The following NACC2 variants were observed in gnomAD, a reference collection of about 807,000 sequenced individuals.
NACC2 encodes the protein nucleus accumbens-associated protein 2.
A neutral mutation model predicts 25.1 loss-of-function variants in NACC2; 8 were observed. The observed-to-expected ratio is 0.32, with a 90% CI of 0.19 to 0.57. The LOEUF (loss-of-function observed/expected upper bound fraction) is 0.57, where lower values mean the gene tolerates loss of function less well. Among genes scored for constraint, NACC2 ranks in the 20% least tolerant of loss-of-function variants. The probability of loss-of-function intolerance (pLI) is 0.89; values close to 1 mark genes in which losing one functional copy is unlikely to be tolerated. For missense variants in NACC2, 644 were observed against 650.2 expected (o/e 0.99, Z 0.10); for synonymous variants, 435 against 294.7 (o/e 1.48, Z -4.88).
In NACC2 at chr9:136,019,985, T is replaced by G. The variant is rs952947617; in HGVS notation, c.887-3556A>C. 3.7e-5 allele frequency among the ~76,000 whole-genome samples: 5 copies of G among 133,378 alleles called. No homozygotes were observed. Among genetic ancestry groups the G allele is most frequent in the Admixed American group, 7.4e-5 (1 of 13,532 alleles). The allele number at this position is 133,378 out of a possible 152,430, so 87.5% of individuals were successfully genotyped here. On this transcript the variant is annotated intron_variant, in intron 2 of 5. Coordinates refer to ENST00000277554, the MANE Select transcript of NACC2 (RefSeq NM_144653.5). The surrounding 1 kb of genome is among the most constrained non-coding windows in gnomAD (Gnocchi z 5.2). ...ACAGAGGCGGGAAACAGAGGGTGGGTGCCGGGGCTGGGTGGGGGAACGGGG... is the reference window on the plus strand; with the variant it reads ...ACAGAGGCGGGAAACAGAGGGTGGGGGCCGGGGCTGGGTGGGGGAACGGGG...
At position 136,074,810 on chromosome 9, in the gene NACC2, C is replaced by T. The variant is rs1040337722; in HGVS notation, c.-60+20379G>A. ...CTGTTCCCAGCTCACCTGCGGGGCT[C>T]GGGGATGTATCACTCAGCCTCGGCG... On this transcript the variant is annotated intron_variant, in intron 1 of 5. Coordinates refer to ENST00000277554, the MANE Select transcript of NACC2 (RefSeq NM_144653.5). Among the ~76,000 whole-genome samples, 14 of 152,184 alleles carry T rather than the reference C, an allele frequency of 9.2e-5. No homozygotes were observed. The East Asian group carries it at 1.2e-3, about 13-fold the overall frequency.
rs1263748165 is a variant in NACC2, at chr9:136,007,412, C to CA, written c.*4103dup. 1.4e-5 allele frequency: 2 copies of CA among 147,438 alleles called. No individual in the cohort carries two copies. The highest frequency in any genetic ancestry group is 6.8e-5 in the Admixed American group (1 of 14,692). 9.1% of individuals were successfully genotyped at this position (147,438 alleles called of 1,614,324 possible). ...GCGTGCAGAGACACGCACGTGCACA[C>CA]AGACGCGCGTGCACACATACACACA... is the stretch of plus-strand genomic sequence containing the variant. On this transcript the variant is annotated 3_prime_UTR_variant, in exon 6 of 6. Coordinates refer to ENST00000277554, the MANE Select transcript of NACC2 (RefSeq NM_144653.5).
chr9:136,032,367 T>C (rs567349003), intron 2 of NACC2, among the ~76,000 whole-genome samples: 2 of 151,962 alleles, frequency 1.3e-5, no homozygotes, highest in Admixed American at 6.6e-5. Context: ...TTTGTTACAA[T>C]GCAACACTTA....
Position 136,049,798 on chromosome 9 carries a change from G to A in NACC2, c.724C>T (p.Pro242Ser), listed in dbSNP as rs1023608023. 1.3e-6 allele frequency: 1 copy of A among 761,236 alleles called. No homozygotes were observed. Among genetic ancestry groups the A allele is most frequent in the African/African-American group, 1.7e-5 (1 of 58,602 alleles). 47.2% of individuals were successfully genotyped at this position (761,236 alleles called of 1,614,324 possible). ...LIPGIQQMPY[P>S]QGERTSPGAS... ...CCTGGACTGGTCCGCTCCCCCTGGG[G>A]GTAGGGCATCTGCTGGATGCCGGGG... The change falls in exon 2 of 6, where the codon CCC becomes TCC. Residue 242 changes from proline to serine, a missense_variant. Transcript: ENST00000277554.
chr9:136,037,495 T>C (rs903168097), intron 2 of NACC2, among the ~76,000 whole-genome samples: 11 of 149,226 alleles, frequency 7.4e-5, no homozygotes, highest in African/African-American at 2.7e-4. Context: ...TGTGATTTTG[T>C]ATGCACTTAA....
At chr9:136,077,837 C>T (rs1038152242) in intron 1 of NACC2, among the ~76,000 whole-genome samples, 1 of 152,256 alleles carries the variant, frequency 6.6e-6, no homozygotes, top group Non-Finnish European at 1.5e-5. Context: ...AATAAGGAAT[C>T]AGTGATGAAT....
chr9:136,052,744 C>T (rs1465915734), intron 1 of NACC2, among the ~76,000 whole-genome samples: 1 of 152,238 alleles, frequency 6.6e-6, no homozygotes, highest in Non-Finnish European at 1.5e-5. Context: ...GAGGGCAAAG[C>T]GGCCGCCTCG....
At chr9:136,016,192 A>G in intron 3 of NACC2, 73 bp downstream of exon 3, 4 of 1,537,672 alleles carry the variant, frequency 2.6e-6, no homozygotes, top group Non-Finnish European at 1.8e-6. Context: ...CATTGTTCAG[A>G]GCTCTCCAAT....
chr9:136,013,411 T>A lies in NACC2; in HGVS notation c.1158-115A>T. 1 of 867,224 alleles carries A rather than the reference T, an allele frequency of 1.2e-6. No homozygotes were observed. Among genetic ancestry groups the A allele is most frequent in the Non-Finnish European group, 1.8e-6 (1 of 553,186 alleles). 53.7% of individuals were successfully genotyped at this position (867,224 alleles called of 1,614,324 possible). A position where few individuals can be genotyped will look rare whatever the true frequency, so the allele number is the denominator to read the frequency against. On this transcript the variant is annotated intron_variant, in intron 4 of 5. Coordinates refer to ENST00000277554, the MANE Select transcript of NACC2 (RefSeq NM_144653.5). This position sits in a 1 kb window ranked among gnomAD's most constrained non-coding sequence, Gnocchi z 6.6. ...GCCACTTGGCCTCACCCTTGGCTGG[T>A]CTGCGTGTGTCCCAGTGGCAGGAGC...
chr9:136,074,978 G>A (rs543526242), intron 1 of NACC2, among the ~76,000 whole-genome samples: 20 of 152,344 alleles, frequency 1.3e-4, no homozygotes, highest in East Asian at 9.6e-4. Context: ...TCACTGTCGC[G>A]TATGGGGCTG....
intron 2 of NACC2, among the ~76,000 whole-genome samples, chr9:136,017,419 A>G (rs1033040573): frequency 4.6e-5 from 7 of 151,954 alleles, no homozygotes; most frequent in African/African-American, 1.5e-4. Flanking sequence ...CCTGCTGGAC[A>G]CCCAGCATGC....
chr9:136,051,583 G>A (rs1208561408), intron 1 of NACC2, among the ~76,000 whole-genome samples: 1 of 149,934 alleles, frequency 6.7e-6, no homozygotes, highest in Non-Finnish European at 1.5e-5. Context: ...TGTGTCCCAC[G>A]GGAGGAAAGT....
chr9:136,091,405 G>A (rs965517045), intron 1 of NACC2, among the ~76,000 whole-genome samples: 1 of 152,208 alleles, frequency 6.6e-6, no homozygotes, highest in Non-Finnish European at 1.5e-5. Flanking sequence ...TGGCTGCCAA[G>A]TGCTCCAGTG....
Position 136,055,227 on chromosome 9 carries a change from C to G in NACC2, c.-59-4647G>C, listed in dbSNP as rs1228859735. ...GGACAGGGGCTCACTGGAACTGCAG[C>G]CAGACGCGCACACAGGGGTTGGGGC... On this transcript the variant is annotated intron_variant, in intron 1 of 5. Transcript: ENST00000277554. The surrounding 1 kb of genome is among the most constrained non-coding windows in gnomAD (Gnocchi z 4.9). 6.6e-6 allele frequency among the ~76,000 whole-genome samples: 1 copy of G among 152,162 alleles called. No individual in the cohort carries two copies. Among genetic ancestry groups the G allele is most frequent in the Non-Finnish European group, 1.5e-5 (1 of 68,030 alleles).
intron 2 of NACC2, among the ~76,000 whole-genome samples, chr9:136,033,894 G>GGGGTGT (rs1554737965): frequency 3.6e-5 from 5 of 137,030 alleles, no homozygotes; most frequent in Non-Finnish European, 6.2e-5. Flanking sequence ...AATTCCAGCA[G>GGGGTGT]GTGTGTGTGT....
At chr9:136,043,478 G>A (rs1047955228) in intron 2 of NACC2, among the ~76,000 whole-genome samples, 5 of 152,276 alleles carry the variant, frequency 3.3e-5, no homozygotes, top group Non-Finnish European at 2.9e-5. Context: ...CCGTAAGGCC[G>A]TGGGGCGCCT....
intron 2 of NACC2, among the ~76,000 whole-genome samples, chr9:136,045,116 C>A (rs1482343480): frequency 2.0e-5 from 3 of 152,210 alleles, no homozygotes; most frequent in Non-Finnish European, 2.9e-5. Context: ...CTGAGCAGTT[C>A]CAACTTTGCC....
chr9:136,075,527 C>T (rs1250169928), intron 1 of NACC2, among the ~76,000 whole-genome samples: 1 of 152,264 alleles, frequency 6.6e-6, no homozygotes, highest in African/African-American at 2.4e-5. Context: ...ACAGATCGCG[C>T]AGCTGGGGCC....
intron 1 of NACC2, among the ~76,000 whole-genome samples, chr9:136,080,859 G>A (rs990836094): frequency 2.6e-5 from 4 of 152,136 alleles, no homozygotes; most frequent in African/African-American, 9.7e-5. Context: ...ACTCCAGCCA[G>A]CTGCATCAGG....
Sources: gnomAD v4.1 joint callset for allele counts (sites outside exome capture counted in the v4.1 genomes callset) on GRCh38, gnomAD v4.1.1 for gene constraint, Gnocchi (gnomAD v3.1) non-coding constraint, MANE v1.5 for transcripts, NCBI Gene and HGNC (gene_info 2026-07-23, HGNC 2026-07-21) for gene names.